Variants in CAB39L observed in about 807,000 individuals in gnomAD.
The protein encoded by CAB39L is calcium binding protein 39 like.
In CAB39L, 23 loss-of-function variants were observed where a neutral mutation model predicts 39.1. The ratio of observed to expected loss-of-function variants is 0.59; its 90% CI spans 0.42 to 0.83. The LOEUF (loss-of-function observed/expected upper bound fraction) is 0.83, where lower values mean the gene tolerates loss of function less well. CAB39L is among the 40% of genes least tolerant of loss of function. The probability of loss-of-function intolerance (pLI) is 0.00; values close to 1 mark genes in which losing one functional copy is unlikely to be tolerated. For synonymous variants in CAB39L, 126 were observed against 137.2 expected (o/e 0.92, Z 0.57); for missense variants, 366 against 391.9 (o/e 0.93, Z 0.56).
chr13:49,439,857 T>C (rs530692170), intron 1 of CAB39L, among the ~76,000 whole-genome samples: 1 of 151,400 alleles, frequency 6.6e-6, no homozygotes, highest in Non-Finnish European at 1.5e-5. Context: ...TTTTTTCATC[T>C]GTTTATTGGC....
intron 5 of CAB39L, among the ~76,000 whole-genome samples, chr13:49,372,164 C>T (rs981279874): frequency 6.6e-6 from 1 of 152,124 alleles, no homozygotes; most frequent in African/African-American, 2.4e-5. Context: ...CCTCAAAAAA[C>T]ACAGCTGAGT....
Position 49,378,162 on chromosome 13 carries a change from G to A in CAB39L, c.112-1031C>T, listed in dbSNP as rs1319048546. Among the ~76,000 whole-genome samples the A allele has an allele frequency of 2.0e-3, 152 of 76,718 alleles. 25 individuals are homozygous for A. The highest frequency in any genetic ancestry group is 3.3e-4 in the Non-Finnish European group (13 of 38,890). The allele number at this position is 76,718 out of a possible 152,430, so 50.3% of individuals were successfully genotyped here. ...TGAGGAGCCCCTCCGCCCGGCAGCCGCCCCGTCTGAGAAGTGAGGAGCCTC... is the reference window on the plus strand; with the variant it reads ...TGAGGAGCCCCTCCGCCCGGCAGCCACCCCGTCTGAGAAGTGAGGAGCCTC... On this transcript the variant is annotated intron_variant, in intron 4 of 10. Coordinates refer to ENST00000409308, the MANE Select transcript of CAB39L (RefSeq NM_001079670.3).
At chr13:49,421,640 A>G (rs1174778966) in intron 3 of CAB39L, among the ~76,000 whole-genome samples, 1 of 152,132 alleles carries the variant, frequency 6.6e-6, no homozygotes. Flanking sequence ...ACATGGTGTC[A>G]GTGGAGGTCC....
chr13:49,396,348 T>C (rs1008137151), intron 3 of CAB39L, among the ~76,000 whole-genome samples: 1 of 152,164 alleles, frequency 6.6e-6, no homozygotes, highest in African/African-American at 2.4e-5. Context: ...AGCTTGTTAA[T>C]TTAACTTAAG....
At chr13:49,443,339 G>GAAA (rs77538575) in intron 1 of CAB39L, among the ~76,000 whole-genome samples, 3 of 149,202 alleles carry the variant, frequency 2.0e-5, no homozygotes, top group Non-Finnish European at 3.0e-5. Flanking sequence ...TTAAAATAAA[G>GAAA]AAAAAAAAAA....
At chr13:49,404,834 CAGAA>C (rs1956838860) in intron 3 of CAB39L, among the ~76,000 whole-genome samples, 2 of 151,852 alleles carry the variant, frequency 1.3e-5, no homozygotes, top group African/African-American at 4.8e-5. Flanking sequence ...GATCAAGCAG[CAGAA>C]AGAATTAGTG....
intron 10 of CAB39L, among the ~76,000 whole-genome samples, chr13:49,325,609 CA>C (rs1566063111): frequency 6.6e-6 from 1 of 151,962 alleles, no homozygotes; most frequent in East Asian, 1.9e-4. Context: ...GCCAACATGG[CA>C]AAACCTCATC....
At chr13:49,404,972 T>C (rs1199229126) in intron 3 of CAB39L, among the ~76,000 whole-genome samples, 2 of 152,104 alleles carry the variant, frequency 1.3e-5, no homozygotes, top group Non-Finnish European at 2.9e-5. Context: ...GTCATTGGCC[T>C]TAAAAAGGAG....
chr13:49,325,279 G>C (rs922294692), intron 10 of CAB39L, among the ~76,000 whole-genome samples: 3 of 152,308 alleles, frequency 2.0e-5, no homozygotes, highest in Admixed American at 1.3e-4. Flanking sequence ...ATGAGGACAC[G>C]ATAAAGCTGA....
intron 5 of CAB39L, among the ~76,000 whole-genome samples, chr13:49,372,490 A>G (rs1345708497): frequency 1.4e-5 from 2 of 147,406 alleles, no homozygotes; most frequent in Non-Finnish European, 2.9e-5. Flanking sequence ...ATCCAGTTTA[A>G]GTCAGTGCTG....
chr13:49,371,815 C>T (rs1389541730), intron 5 of CAB39L, among the ~76,000 whole-genome samples: 1 of 152,046 alleles, frequency 6.6e-6, no homozygotes, highest in African/African-American at 2.4e-5. Context: ...GGGTCTCAAA[C>T]TCCTGGGCTC....
intron 3 of CAB39L, among the ~76,000 whole-genome samples, chr13:49,421,065 G>A (rs796352221): frequency 2.0e-4 from 30 of 152,240 alleles, no homozygotes; most frequent in Admixed American, 7.8e-4. Context: ...ACTGGCTAGG[G>A]ACCTCAGGAC....
At chr13:49,414,993 C>T (rs188596218) in intron 3 of CAB39L, among the ~76,000 whole-genome samples, 29 of 151,752 alleles carry the variant, frequency 1.9e-4, no homozygotes, top group African/African-American at 6.5e-4. Flanking sequence ...GTCAGGCGTT[C>T]GAGACCAGCC....
At chr13:49,379,990 C>T (rs1051744140) in intron 4 of CAB39L, among the ~76,000 whole-genome samples, 1 of 151,352 alleles carries the variant, frequency 6.6e-6, no homozygotes, top group Non-Finnish European at 1.5e-5. Context: ...TACAAGCACC[C>T]GCCACCACGC....
At position 49,359,741 on chromosome 13, in the gene CAB39L, G is replaced by C; in HGVS notation, c.368C>G (p.Pro123Arg). 6.2e-7 allele frequency: 1 copy of C among 1,606,944 alleles called. No homozygotes were observed. Among genetic ancestry groups the C allele is most frequent in the South Asian group, 1.1e-5 (1 of 90,788 alleles). Residue 123 changes from proline (P) to arginine (R), a missense_variant, in exon 6 of 11, where the codon CCT becomes CGT. Pro to Arg is a moderately radical substitution (Grantham distance 103, BLOSUM62 -2). Coordinates refer to ENST00000409308, the MANE Select transcript of CAB39L (RefSeq NM_001079670.3). ...SPTVEYISAH[P>R]HILFMLLKGY... is the part of the protein sequence containing the mutation. ...TTTGAGGAGCATAAACAGGATATGA[G>C]GATGAGCACTAATATACTCCACAGT...
chr13:49,311,776 G>A (rs941048923), intron 10 of CAB39L, among the ~76,000 whole-genome samples: 80 of 152,150 alleles, frequency 5.3e-4, no homozygotes, highest in Non-Finnish European at 1.0e-3. Context: ...TTGTACAGCT[G>A]TATAATGTGT....
intron 6 of CAB39L, among the ~76,000 whole-genome samples, chr13:49,357,122 G>A (rs9535204): frequency 0.23 from 34,955 of 151,658 alleles, 4,305 homozygotes; most frequent in Middle Eastern, 0.29. Context: ...CTGTCCTCAG[G>A]AGCATCAACA....
chr13:49,377,848 T>C (rs1422414758), intron 4 of CAB39L, among the ~76,000 whole-genome samples: 28 of 73,142 alleles, frequency 3.8e-4, no homozygotes, highest in African/African-American at 4.8e-4. Context: ...TCTGCCTGGC[T>C]GCCCAGTCTG....
At chr13:49,388,515 A>T (rs1195724819) in intron 3 of CAB39L, among the ~76,000 whole-genome samples, 3 of 152,236 alleles carry the variant, frequency 2.0e-5, no homozygotes, top group Non-Finnish European at 2.9e-5. Flanking sequence ...TCTGATAAGT[A>T]AAGTCTATAA....
Sources: gnomAD v4.1 joint callset for allele counts (sites outside exome capture counted in the v4.1 genomes callset) on GRCh38, gnomAD v4.1.1 for gene constraint, MANE v1.5 for transcripts, NCBI Gene and HGNC (gene_info 2026-07-23, HGNC 2026-07-21) for gene names.